Variants in ITGBL1 observed in about 807,000 individuals in gnomAD.
ITGBL1 encodes integrin subunit beta like 1, also known as integrin beta-like protein 1.
Under a neutral mutation model 68.5 loss-of-function variants are expected in ITGBL1, and 51 were observed. The observed-to-expected ratio is 0.74, with a 90% CI of 0.59 to 0.94. The LOEUF (loss-of-function observed/expected upper bound fraction) is 0.94, where lower values mean the gene tolerates loss of function less well. ITGBL1 is among the 40% of genes least tolerant of loss of function. ITGBL1 has a pLI of 0.00. For missense variants in ITGBL1, 649 were observed against 647.4 expected, an observed-to-expected ratio of 1.00 and a Z score of -0.03; for synonymous variants, 209 against 227.3, an observed-to-expected ratio of 0.92 and a Z score of 0.72.
intron 2 of ITGBL1, among the ~76,000 whole-genome samples, chr13:101,544,221 A>G (rs1400189011): frequency 2.0e-5 from 3 of 152,174 alleles, no homozygotes. Flanking sequence ...TGACGTACAG[A>G]TGGGGTTTTG....
intron 6 of ITGBL1, among the ~76,000 whole-genome samples, chr13:101,593,228 G>A (rs984378955): frequency 3.4e-5 from 5 of 147,184 alleles, no homozygotes; most frequent in Non-Finnish European, 7.5e-5. Context: ...AGTTAGAATC[G>A]GTTTTATTAT....
intron 2 of ITGBL1, among the ~76,000 whole-genome samples, chr13:101,462,217 G>A (rs907124566): frequency 7.2e-5 from 11 of 152,060 alleles, no homozygotes; most frequent in Non-Finnish European, 1.6e-4. Flanking sequence ...TCTTACCACC[G>A]TCGGAAAACA....
At chr13:101,701,289 C>A (rs144373399) in intron 8 of ITGBL1, among the ~76,000 whole-genome samples, 1,685 of 152,228 alleles carry the variant, frequency 0.011, 25 homozygotes, top group African/African-American at 0.038. Flanking sequence ...AATCCCAGCA[C>A]TTTGGGAGGC....
At chr13:101,689,596 C>A (rs2033838399) in intron 7 of ITGBL1, among the ~76,000 whole-genome samples, 1 of 151,944 alleles carries the variant, frequency 6.6e-6, no homozygotes, top group Non-Finnish European at 1.5e-5. Flanking sequence ...CAGAGCAAGA[C>A]TCTGTCTCTA....
Position 101,583,185 on chromosome 13 carries a change from G to A in ITGBL1, c.728-31G>A, listed in dbSNP as rs997722825. 24 of 1,603,600 alleles carry A rather than the reference G, an allele frequency of 1.5e-5. No individual in the cohort carries two copies. The South Asian group carries it at 2.2e-4, about 15-fold the overall frequency. On this transcript the variant is annotated intron_variant, in intron 5 of 10. Transcript: ENST00000376180. ...CTTTCTTTCATGGTTTTTCTTGACTGGATTCTTATAAAATTCTTCTTCCCA... is the reference window on the plus strand; with the variant it reads ...CTTTCTTTCATGGTTTTTCTTGACTAGATTCTTATAAAATTCTTCTTCCCA...
At chr13:101,486,936 T>A (rs2048710027) in intron 2 of ITGBL1, among the ~76,000 whole-genome samples, 1 of 150,852 alleles carries the variant, frequency 6.6e-6, no homozygotes, top group Admixed American at 6.7e-5. Context: ...CTTTCTAGAT[T>A]GCATCAGCCA....
chr13:101,640,748 T>C (rs1354923789), intron 7 of ITGBL1, among the ~76,000 whole-genome samples: 4 of 152,134 alleles, frequency 2.6e-5, no homozygotes, highest in Non-Finnish European at 4.4e-5. Flanking sequence ...TGGTACCTAA[T>C]AGGTAGTTTT....
intron 2 of ITGBL1, among the ~76,000 whole-genome samples, chr13:101,472,602 A>G (rs2048477986): frequency 6.6e-6 from 1 of 152,176 alleles, no homozygotes; most frequent in Non-Finnish European, 1.5e-5. Context: ...AGAAAGGAAA[A>G]CGTAAATGGT....
chr13:101,615,762 C>T (rs181050018), intron 7 of ITGBL1, among the ~76,000 whole-genome samples: 79 of 151,636 alleles, frequency 5.2e-4, no homozygotes, highest in Admixed American at 2.2e-3. Context: ...GCAATTCAGC[C>T]GGGAAGACAG....
At chr13:101,462,589 A>G (rs1022761139) in intron 2 of ITGBL1, among the ~76,000 whole-genome samples, 7 of 151,492 alleles carry the variant, frequency 4.6e-5, no homozygotes, top group African/African-American at 1.2e-4. Flanking sequence ...TTTCCATATC[A>G]TTATTTTTTT....
At chr13:101,700,672 G>T (rs1470290127) in intron 8 of ITGBL1, among the ~76,000 whole-genome samples, 2 of 152,076 alleles carry the variant, frequency 1.3e-5, no homozygotes, top group African/African-American at 4.8e-5. Flanking sequence ...TCTGAGAAGG[G>T]AATATTTCTC....
chr13:101,539,995 T>A (rs1023768394), intron 2 of ITGBL1, among the ~76,000 whole-genome samples: 12 of 152,226 alleles, frequency 7.9e-5, no homozygotes, highest in Non-Finnish European at 1.8e-4. Flanking sequence ...TCTCCCATTC[T>A]GTAGGTTGCC....
At chr13:101,676,127 CTCTT>C (rs1388025439) in intron 7 of ITGBL1, among the ~76,000 whole-genome samples, 1 of 151,994 alleles carries the variant, frequency 6.6e-6, no homozygotes, top group East Asian at 1.9e-4. Context: ...ATTTTTTAAT[CTCTT>C]TCTATTGTCT....
intron 2 of ITGBL1, among the ~76,000 whole-genome samples, chr13:101,485,915 C>A (rs2048696190): frequency 1.3e-5 from 2 of 152,090 alleles, no homozygotes; most frequent in Admixed American, 1.3e-4. Flanking sequence ...TAGTGTAATA[C>A]AACCAGTATG....
At chr13:101,720,227 T>G (rs1431632581), downstream of ITGBL1, 2 of 152,016 alleles carry the variant, frequency 1.3e-5, no homozygotes, top group Non-Finnish European at 2.9e-5. Context: ...GCTGTCCTCT[T>G]CCCATGCTAC....
At chr13:101,700,638 T>G (rs763578438) in intron 8 of ITGBL1, among the ~76,000 whole-genome samples, 37 of 152,188 alleles carry the variant, frequency 2.4e-4, no homozygotes, top group Non-Finnish European at 2.2e-4. Flanking sequence ...TTACCAAGAG[T>G]AAATCATTTG....
At chr13:101,472,418 C>T (rs1033440008) in intron 2 of ITGBL1, among the ~76,000 whole-genome samples, 3 of 152,088 alleles carry the variant, frequency 2.0e-5, no homozygotes, top group Admixed American at 6.6e-5. Context: ...CTTTAATTTT[C>T]GTGCGTTTTC....
chr13:101,709,434 TGCAAGAGAGAA>T (rs2139595680), intron 9 of ITGBL1, among the ~76,000 whole-genome samples: 1 of 143,182 alleles, frequency 7.0e-6, no homozygotes, highest in East Asian at 2.0e-4. Flanking sequence ...GGAATTAAAC[TGCAAGAGAGAA>T]GTAGGAGAGA....
intron 2 of ITGBL1, among the ~76,000 whole-genome samples, chr13:101,486,181 G>A (rs2048700158): frequency 6.6e-6 from 1 of 152,124 alleles, no homozygotes; most frequent in South Asian, 2.1e-4. Context: ...GTGAAATAAT[G>A]TCTTCTGAAG....
Sources: gnomAD v4.1 joint callset for allele counts (sites outside exome capture counted in the v4.1 genomes callset) on GRCh38, gnomAD v4.1.1 for gene constraint, MANE v1.5 for transcripts, NCBI Gene and HGNC (gene_info 2026-07-23, HGNC 2026-07-21) for gene names.